KCNIP4: variants seen among roughly 807,000 people sequenced by gnomAD.
KCNIP4 encodes the protein Kv channel-interacting protein 4.
Under a neutral mutation model 34.0 loss-of-function variants are expected in KCNIP4, and 12 were observed. The observed-to-expected ratio is 0.35, with a 90% CI of 0.23 to 0.57. KCNIP4 has a LOEUF of 0.57. KCNIP4 is among the 20% of genes least tolerant of loss of function. The pLI is 0.83. For synonymous variants in KCNIP4, 124 were observed against 102.2 expected, an observed-to-expected ratio of 1.21 and a Z score of -1.29; for missense variants, 238 against 311.7, an observed-to-expected ratio of 0.76 and a Z score of 1.78.
intron 1 of KCNIP4, among the ~76,000 whole-genome samples, chr4:21,742,677 T>C (rs1716495203): frequency 6.6e-6 from 1 of 152,182 alleles, no homozygotes; most frequent in Non-Finnish European, 1.5e-5. Flanking sequence ...CCTCAAAGCA[T>C]GGCAGACATA....
In KCNIP4 at chr4:21,636,886, G is replaced by A. The variant is rs376809725; in HGVS notation, c.61+311685C>T. On this transcript the variant is annotated intron_variant, in intron 1 of 8. Transcript: ENST00000382152. ...TTGTGAATCCACGCCATGAATTCAT[G>A]GCATCATTTTACTAAAAAACACAAC... Among the ~76,000 whole-genome samples the A allele has an allele frequency of 1.3e-3, 195 of 152,268 alleles. 7 individuals are homozygous for A. In the South Asian group the frequency reaches 0.035, roughly 27 times the overall value.
chr4:21,352,452 A>G (rs1319981459), intron 1 of KCNIP4, among the ~76,000 whole-genome samples: 1 of 152,348 alleles, frequency 6.6e-6, no homozygotes, highest in African/African-American at 2.4e-5. Context: ...CAGTCTTAGC[A>G]ACTGGCAGAC....
intron 1 of KCNIP4, among the ~76,000 whole-genome samples, chr4:21,127,613 C>A (rs1040933604): frequency 5.9e-5 from 9 of 152,152 alleles, no homozygotes; most frequent in African/African-American, 2.2e-4. Context: ...ACTGTGGTAT[C>A]CCAAAAACTT....
At chr4:21,084,039 A>G (rs961579051) in intron 1 of KCNIP4, among the ~76,000 whole-genome samples, 14 of 151,852 alleles carry the variant, frequency 9.2e-5, no homozygotes, top group Admixed American at 2.6e-4. Context: ...TATAGCCTAC[A>G]TTGAATAGAT....
intron 1 of KCNIP4, among the ~76,000 whole-genome samples, chr4:21,229,647 T>C (rs1758654412): frequency 6.6e-6 from 1 of 152,080 alleles, no homozygotes; most frequent in Non-Finnish European, 1.5e-5. Flanking sequence ...ATACAGAAGA[T>C]GGAGAGAGGA....
intron 1 of KCNIP4, chr4:21,844,518 CA>C (rs1723888194): frequency 6.6e-6 from 1 of 152,056 alleles, no homozygotes; most frequent in Non-Finnish European, 1.5e-5. Flanking sequence ...CCTATGTCCA[CA>C]CCAGAACTGC....
At chr4:21,322,152 AGAAGGAAGGAAG>A (rs200900508) in intron 1 of KCNIP4, among the ~76,000 whole-genome samples, 59 of 136,678 alleles carry the variant, frequency 4.3e-4, no homozygotes, top group Admixed American at 6.7e-4. Flanking sequence ...AGGGAGGGAC[AGAAGGAAGGAAG>A]GAAGGAAGGA....
At chr4:21,733,038 C>G (rs1250400734) in intron 1 of KCNIP4, among the ~76,000 whole-genome samples, 2 of 152,126 alleles carry the variant, frequency 1.3e-5, no homozygotes, top group Non-Finnish European at 2.9e-5. Context: ...CTTTCACAAA[C>G]TGTACTCTCC....
At chr4:21,432,091 C>CATAT (rs71655634) in intron 1 of KCNIP4, among the ~76,000 whole-genome samples, 481 of 36,326 alleles carry the variant, frequency 0.013, 35 homozygotes, top group Middle Eastern at 0.056. Flanking sequence ...AAAATGGAAG[C>CATAT]ATATATATAT....
rs188407103 is a variant in KCNIP4 at position 21,186,635 on chromosome 4, C to T, written c.62-303926G>A. Among the ~76,000 whole-genome samples the T allele has an allele frequency of 7.2e-5, 11 of 152,142 alleles. No individual in the cohort carries two copies. In the East Asian group the frequency reaches 1.9e-3, roughly 27 times the overall value. On this transcript the variant is annotated intron_variant, in intron 1 of 8. Coordinates refer to ENST00000382152, the MANE Select transcript of KCNIP4 (RefSeq NM_025221.6). ...ACAATTTTCCTTTCTGCTTTCTCAA[C>T]CCTTTTTAAGTTTATTTGTTTATTT...
intron 1 of KCNIP4, among the ~76,000 whole-genome samples, chr4:21,414,513 T>C (rs1244304795): frequency 1.3e-5 from 2 of 152,160 alleles, no homozygotes; most frequent in Non-Finnish European, 2.9e-5. Flanking sequence ...GTTGCTATGA[T>C]AAACATTATG....
intron 1 of KCNIP4, among the ~76,000 whole-genome samples, chr4:21,791,800 G>C (rs1452002987): frequency 6.6e-6 from 1 of 151,886 alleles, no homozygotes; most frequent in Non-Finnish European, 1.5e-5. Context: ...TCAGGAGTTT[G>C]AGACCAGCCT....
At chr4:21,031,916 T>C (rs1440489193) in intron 1 of KCNIP4, among the ~76,000 whole-genome samples, 1 of 152,234 alleles carries the variant, frequency 6.6e-6, no homozygotes, top group Non-Finnish European at 1.5e-5. Flanking sequence ...GTATCTGTTG[T>C]AATTTCTCAA....
rs866613659 is a variant in KCNIP4, at chr4:21,510,960, C to T, written c.61+437611G>A. Reference sequence around the variant, plus strand: ...TAGGGAGGCTGAGGCATGAGAATTGCTTGAACTCGGGAGGCAGAGGTTGTA... The same window carrying T: ...TAGGGAGGCTGAGGCATGAGAATTGTTTGAACTCGGGAGGCAGAGGTTGTA... On this transcript the variant is annotated intron_variant, in intron 1 of 8. Coordinates refer to ENST00000382152, the MANE Select transcript of KCNIP4 (RefSeq NM_025221.6). Among the ~76,000 whole-genome samples the T allele has an allele frequency of 5.3e-5, 8 of 152,102 alleles. No homozygotes were observed. In the East Asian group the frequency reaches 7.7e-4, roughly 15 times the overall value.
chr4:21,268,405 A>G (rs939549128), intron 1 of KCNIP4, among the ~76,000 whole-genome samples: 4 of 152,182 alleles, frequency 2.6e-5, no homozygotes, highest in African/African-American at 9.7e-5. Flanking sequence ...GTTTATAAAT[A>G]TTTGTATAGG....
chr4:21,569,283 ACCC>A (rs1333773299), intron 1 of KCNIP4, among the ~76,000 whole-genome samples: 5 of 144,738 alleles, frequency 3.5e-5, no homozygotes, highest in African/African-American at 1.3e-4. Flanking sequence ...TGACAAGTAA[ACCC>A]AGATTTTGTT....
intron 1 of KCNIP4, among the ~76,000 whole-genome samples, chr4:21,177,666 C>T (rs1359224445): frequency 6.6e-6 from 1 of 151,116 alleles, no homozygotes; most frequent in African/African-American, 2.5e-5. Context: ...CCGGTCTCTA[C>T]TAAAAAACAA....
intron 1 of KCNIP4, among the ~76,000 whole-genome samples, chr4:21,129,548 G>T (rs1750901423): frequency 6.6e-6 from 1 of 152,166 alleles, no homozygotes; most frequent in African/African-American, 2.4e-5. Flanking sequence ...TGTGTCCACG[G>T]CAAGGAGTGT....
intron 2 of KCNIP4, among the ~76,000 whole-genome samples, chr4:20,857,895 A>AGG (rs920431722): frequency 4.0e-5 from 6 of 151,834 alleles, no homozygotes; most frequent in Non-Finnish European, 8.8e-5. Context: ...CTGTATTTGG[A>AGG]GGTAGGGCCT....
Sources: gnomAD v4.1 joint callset for allele counts (sites outside exome capture counted in the v4.1 genomes callset) on GRCh38, gnomAD v4.1.1 for gene constraint, MANE v1.5 for transcripts, NCBI Gene and HGNC (gene_info 2026-07-23, HGNC 2026-07-21) for gene names.